The following METAP1D variants were observed in gnomAD, a reference collection of about 807,000 sequenced individuals.
The protein encoded by METAP1D is methionine aminopeptidase 1D, mitochondrial.
In METAP1D, 31 loss-of-function variants were observed where a neutral mutation model predicts 40.5. That is an observed-to-expected ratio of 0.77 (90% CI 0.58 to 1.03). The LOEUF is 1.03. Ranked by LOEUF, METAP1D falls within the 50% of genes least tolerant of loss-of-function variation. The pLI is 0.00. For synonymous variants in METAP1D, 151 were observed against 146.4 expected (o/e 1.03, Z -0.22); for missense variants, 411 against 420.7 (o/e 0.98, Z 0.20).
chr2:172,038,130 AATATG>A, intron 1 of METAP1D, among the ~76,000 whole-genome samples: 1 of 152,228 alleles, frequency 6.6e-6, no homozygotes, highest in African/African-American at 2.4e-5. Context: ...AAAAATGTGG[AATATG>A]TTATCCTTTA....
chr2:172,069,454 G>A (rs1265288361), intron 5 of METAP1D, among the ~76,000 whole-genome samples: 2 of 152,076 alleles, frequency 1.3e-5, no homozygotes, highest in African/African-American at 2.4e-5. Flanking sequence ...ATTTTTGAAC[G>A]AAATCAGCAT....
At chr2:172,030,066 CATTTT>C (rs1191961315) in intron 1 of METAP1D, among the ~76,000 whole-genome samples, 6 of 150,758 alleles carry the variant, frequency 4.0e-5, no homozygotes, top group Admixed American at 1.3e-4. Context: ...TTTAAGCCTA[CATTTT>C]ATTTTATTTT....
intron 1 of METAP1D, among the ~76,000 whole-genome samples, chr2:172,014,125 CT>C (rs1377455719): frequency 2.2e-3 from 279 of 124,850 alleles, no homozygotes; most frequent in African/African-American, 7.9e-3. Flanking sequence ...ATCTGGACTA[CT>C]TTTTTTTTTG....
intron 1 of METAP1D, among the ~76,000 whole-genome samples, chr2:172,007,978 G>T (rs926163804): frequency 4.0e-5 from 6 of 151,230 alleles, no homozygotes; most frequent in Admixed American, 3.9e-4. Context: ...GAGCCACCGC[G>T]CCTAGCCGGA....
intron 6 of METAP1D, among the ~76,000 whole-genome samples, chr2:172,075,944 C>G (rs1007214160): frequency 6.6e-6 from 1 of 152,160 alleles, no homozygotes; most frequent in Admixed American, 6.5e-5. Flanking sequence ...GAAGTTCCAG[C>G]AGGACCCACG....
chr2:172,045,813 GTGTGTGTATATATATATATA>G lies in METAP1D; in HGVS notation c.41-15683_41-15664del, dbSNP rs1310489353. ...TATGTATATATGTGTGTGTGTGTGTGTGTGTGTATATATATATATATATATATATATATATATATATATAT... is the reference window on the plus strand; with the variant it reads ...TATGTATATATGTGTGTGTGTGTGTGTATATATATATATATATATATATAT... On this transcript the variant is annotated intron_variant, in intron 1 of 9. Transcript: ENST00000315796. 5.8e-4 allele frequency among the ~76,000 whole-genome samples: 23 copies of G among 39,384 alleles called. 2 individuals are homozygous for G. Among genetic ancestry groups the G allele is most frequent in the East Asian group, 3.0e-3 (2 of 658 alleles). 25.8% of individuals were successfully genotyped at this position (39,384 alleles called of 152,430 possible).
At chr2:172,041,787 G>T in intron 1 of METAP1D, among the ~76,000 whole-genome samples, 2 of 63,266 alleles carry the variant, frequency 3.2e-5, no homozygotes, top group African/African-American at 9.6e-5. Context: ...CAAAAGAAAT[G>T]ACCTAATATA....
chr2:172,021,606 A>G (rs2105397344), intron 1 of METAP1D, among the ~76,000 whole-genome samples: 1 of 152,330 alleles, frequency 6.6e-6, no homozygotes, highest in African/African-American at 2.4e-5. Flanking sequence ...TTTTAAATGA[A>G]GAGTCATTTT....
intron 6 of METAP1D, among the ~76,000 whole-genome samples, 172 bp downstream of exon 6, chr2:172,071,242 A>G (rs76637111): frequency 6.6e-6 from 1 of 152,126 alleles, no homozygotes; most frequent in East Asian, 1.9e-4. Flanking sequence ...AAAAAAAAAA[A>G]GATTTTATAA....
In METAP1D at chr2:172,071,047, C is replaced by T; in HGVS notation, c.681C>T (p.Phe227=). Residue 227 remains phenylalanine (F), a synonymous_variant, in exon 6 of 10, where the codon TTC becomes TTT. Coordinates refer to ENST00000315796, the MANE Select transcript of METAP1D (RefSeq NM_199227.3). ...AIAACRAGAP[F]SVIGNTISHI... is the part of the protein sequence containing the mutation. ...CAGCTTGCAGAGCAGGGGCTCCCTT[C>T]TCTGTAATTGGAAACACAATCAGGT... The T allele has an allele frequency of 6.2e-7, 1 of 1,611,038 alleles. No homozygotes were observed. The highest frequency in any genetic ancestry group is 8.5e-7 in the Non-Finnish European group (1 of 1,178,400).
chr2:172,017,249 C>T (rs1257895263), intron 1 of METAP1D, among the ~76,000 whole-genome samples: 1 of 149,674 alleles, frequency 6.7e-6, no homozygotes, highest in East Asian at 2.0e-4. Context: ...CACACACACA[C>T]ACACACACAC....
rs190151915 is a variant in METAP1D, at chr2:172,039,637, G to T, written c.41-21861G>T. Among the ~76,000 whole-genome samples the T allele has an allele frequency of 2.1e-3, 313 of 151,686 alleles. 2 individuals carry two copies. In the East Asian group the frequency reaches 0.026, roughly 13 times the overall value. On this transcript the variant is annotated intron_variant, in intron 1 of 9. Transcript: ENST00000315796. The stretch of plus-strand genomic sequence containing the variant: ...TTGTTGATGGTGAGTTTTTTGTGGG[G>T]TGGGGGTGATGGAGCAAATACCTTT...
intron 1 of METAP1D, among the ~76,000 whole-genome samples, chr2:172,031,173 A>G (rs577976649): frequency 6.6e-6 from 1 of 152,356 alleles, no homozygotes; most frequent in African/African-American, 2.4e-5. Flanking sequence ...GGAACATAAA[A>G]TGTCCAACTA....
At chr2:172,033,810 G>T (rs1258877585) in intron 1 of METAP1D, among the ~76,000 whole-genome samples, 1 of 151,942 alleles carries the variant, frequency 6.6e-6, no homozygotes, top group Non-Finnish European at 1.5e-5. Flanking sequence ...GGCCGGGTAT[G>T]GTGGCTCACG....
intron 7 of METAP1D, among the ~76,000 whole-genome samples, chr2:172,078,380 T>C (rs1690602454): frequency 6.6e-6 from 1 of 152,230 alleles, no homozygotes; most frequent in African/African-American, 2.4e-5. Context: ...CCCACCCTTG[T>C]CTTCCTTCCC....
chr2:172,010,202 G>A (rs1346995925), intron 1 of METAP1D, among the ~76,000 whole-genome samples: 4 of 149,328 alleles, frequency 2.7e-5, no homozygotes, highest in Admixed American at 1.3e-4. Flanking sequence ...GTGCAGTGGC[G>A]CAATCTCAAC....
At chr2:172,065,494 A>T (rs555639888) in intron 3 of METAP1D, 110 bp from the exon 4 acceptor site, 136 of 1,057,156 alleles carry the variant, frequency 1.3e-4, no homozygotes, top group Non-Finnish European at 1.8e-4. Context: ...TAACTTTATC[A>T]TAGTAAATTT....
rs1559013582 is a variant in METAP1D, at chr2:172,054,810, T to C, written c.41-6688T>C. Among the ~76,000 whole-genome samples the C allele has an allele frequency of 2.6e-5, 4 of 152,222 alleles. No individual in the cohort carries two copies. In the South Asian group the frequency reaches 8.3e-4, roughly 32 times the overall value. On this transcript the variant is annotated intron_variant, in intron 1 of 9. Coordinates refer to ENST00000315796, the MANE Select transcript of METAP1D (RefSeq NM_199227.3). ...CCATGGAGTGCAGGAAGAAGTTGCC[T>C]ATAATTTTCAGCGTTCAACTCAGAC... is the stretch of plus-strand genomic sequence containing the variant.
At chr2:172,073,338 A>G (rs1193715841) in intron 6 of METAP1D, among the ~76,000 whole-genome samples, 1 of 152,176 alleles carries the variant, frequency 6.6e-6, no homozygotes, top group East Asian at 1.9e-4. Flanking sequence ...TCCATGCAGG[A>G]TAATGCATTT....
Sources: gnomAD v4.1 joint callset for allele counts (sites outside exome capture counted in the v4.1 genomes callset) on GRCh38, gnomAD v4.1.1 for gene constraint, MANE v1.5 for transcripts, NCBI Gene and HGNC (gene_info 2026-07-23, HGNC 2026-07-21) for gene names.